Variants in BST1 observed in about 807,000 individuals in gnomAD.
BST1 encodes bone marrow stromal cell antigen 1, also known as ADP-ribosyl cyclase/cyclic ADP-ribose hydrolase 2.
BST1 carries 49 observed loss-of-function variants against 40.6 expected under a neutral mutation model. The ratio of observed to expected loss-of-function variants is 1.21; its 90% CI spans 0.96 to 1.53. BST1 has a LOEUF of 1.53. Ranked by LOEUF, BST1 falls within the 40% of genes most tolerant of loss-of-function variation. BST1 has a pLI of 0.00. For missense variants in BST1, 423 were observed against 395.9 expected, an observed-to-expected ratio of 1.07 and a Z score of -0.58; for synonymous variants, 157 against 159.3, an observed-to-expected ratio of 0.99 and a Z score of 0.11.
intron 8 of BST1, 34 bp downstream of exon 8, chr4:15,722,968 C>G (rs1360529744): frequency 6.3e-7 from 1 of 1,585,716 alleles, no homozygotes; most frequent in Non-Finnish European, 8.7e-7. Flanking sequence ...TCGTTCTTTC[C>G]AAAGATAACC....
At chr4:15,720,022 G>A (rs868867654) in intron 7 of BST1, among the ~76,000 whole-genome samples, 16 of 152,230 alleles carry the variant, frequency 1.1e-4, no homozygotes, top group Middle Eastern at 3.4e-3. Flanking sequence ...CAAACCATGA[G>A]TACACAGGTG....
downstream of BST1, among the ~76,000 whole-genome samples, chr4:15,742,693 G>A (rs1721774130): frequency 1.3e-5 from 2 of 152,310 alleles, no homozygotes; most frequent in Middle Eastern, 3.4e-3. Flanking sequence ...GAAGGTACAG[G>A]AAACACTGAT....
At chr4:15,704,977 A>G in intron 1 of BST1, 1 of 773,110 alleles carries the variant, frequency 1.3e-6, no homozygotes, top group Non-Finnish European at 2.4e-6. Flanking sequence ...ATGAGAAACA[A>G]AGTTACAAAT....
At chr4:15,728,394 G>A (rs1197849752) in intron 8 of BST1, among the ~76,000 whole-genome samples, 1 of 151,716 alleles carries the variant, frequency 6.6e-6, no homozygotes, top group Non-Finnish European at 1.5e-5. Context: ...AACAGCTGTT[G>A]GATTAAACCT....
At chr4:15,758,714 C>G in the BST1 span, among the ~76,000 whole-genome samples, 1 of 152,286 alleles carries the variant, frequency 6.6e-6, no homozygotes, top group Admixed American at 6.5e-5. Flanking sequence ...CACCCTCTAG[C>G]CTCTGTAACC....
At chr4:15,738,499 G>A (rs981407296), downstream of BST1, among the ~76,000 whole-genome samples, 2 of 151,926 alleles carry the variant, frequency 1.3e-5, no homozygotes, top group Non-Finnish European at 2.9e-5. Context: ...CAGTATAAAA[G>A]GAGAAAAAGA....
intron 6 of BST1, among the ~76,000 whole-genome samples, chr4:15,717,268 C>T (rs1720566448): frequency 1.3e-5 from 2 of 152,128 alleles, no homozygotes; most frequent in South Asian, 2.1e-4. Context: ...TCCTATAATG[C>T]CTGGAATTCC....
At chr4:15,752,168 G>A in the BST1 span, among the ~76,000 whole-genome samples, 2 of 152,110 alleles carry the variant, frequency 1.3e-5, no homozygotes, top group African/African-American at 4.8e-5. Flanking sequence ...CAGTAAATGG[G>A]CAATTGTGCA....
chr4:15,755,297 C>T, the BST1 span, among the ~76,000 whole-genome samples: 34 of 152,084 alleles, frequency 2.2e-4, no homozygotes, highest in Non-Finnish European at 4.1e-4. Context: ...CACCACCACG[C>T]CTGGCTAATT....
At chr4:15,772,325 G>A in the BST1 span, among the ~76,000 whole-genome samples, 1 of 152,156 alleles carries the variant, frequency 6.6e-6, no homozygotes, top group Non-Finnish European at 1.5e-5. Context: ...GATCATGAAA[G>A]AAAGTACATG....
At chr4:15,736,550 C>T (rs1721573832), downstream of BST1, among the ~76,000 whole-genome samples, 1 of 151,274 alleles carries the variant, frequency 6.6e-6, no homozygotes, top group African/African-American at 2.4e-5. Flanking sequence ...ACAGAGGTTG[C>T]AGTGAGCCTA....
At chr4:15,749,779 A>G in the BST1 span, among the ~76,000 whole-genome samples, 1 of 152,234 alleles carries the variant, frequency 6.6e-6, no homozygotes, top group South Asian at 2.1e-4. Flanking sequence ...TAAGCACATC[A>G]TGAAAAATGG....
intron 3 of BST1, among the ~76,000 whole-genome samples, chr4:15,707,963 A>C (rs1289106035): frequency 6.6e-6 from 1 of 151,596 alleles, no homozygotes; most frequent in Non-Finnish European, 1.5e-5. Flanking sequence ...CAACAACCTC[A>C]TGGGATCCTA....
chr4:15,749,953 T>G, the BST1 span, among the ~76,000 whole-genome samples: 1 of 148,984 alleles, frequency 6.7e-6, no homozygotes, highest in Admixed American at 6.7e-5. Context: ...TTTTTTTTTG[T>G]ATCCATTAAC....
chr4:15,755,513 T>C, the BST1 span, among the ~76,000 whole-genome samples: 41 of 152,238 alleles, frequency 2.7e-4, no homozygotes, highest in Non-Finnish European at 5.0e-4. Context: ...GAGATATTTG[T>C]AGGTTGAATT....
the BST1 span, among the ~76,000 whole-genome samples, chr4:15,759,564 C>T: frequency 6.6e-6 from 1 of 151,718 alleles, no homozygotes; most frequent in Non-Finnish European, 1.5e-5. Context: ...ACTTCTTCCT[C>T]CTCCTGTTTT....
At chr4:15,754,535 G>C in the BST1 span, among the ~76,000 whole-genome samples, 1 of 152,176 alleles carries the variant, frequency 6.6e-6, no homozygotes, top group Non-Finnish European at 1.5e-5. Context: ...GGATGTTGCT[G>C]TCAGCACTGT....
the BST1 span, among the ~76,000 whole-genome samples, chr4:15,760,654 T>C: frequency 6.6e-6 from 1 of 151,222 alleles, no homozygotes; most frequent in Non-Finnish European, 1.5e-5. Context: ...CTTATATATG[T>C]AAGCATGCAT....
chr4:15,712,177 G>C (rs2148882592), intron 4 of BST1, among the ~76,000 whole-genome samples: 1 of 152,314 alleles, frequency 6.6e-6, no homozygotes, highest in East Asian at 1.9e-4. Flanking sequence ...GTTATCATTA[G>C]TATTTCAAAT....
Sources: gnomAD v4.1 joint callset for allele counts (sites outside exome capture counted in the v4.1 genomes callset) on GRCh38, gnomAD v4.1.1 for gene constraint, MANE v1.5 for transcripts, NCBI Gene and HGNC (gene_info 2026-07-23, HGNC 2026-07-21) for gene names.